The following KATNAL2 variants were observed in gnomAD, a reference collection of about 807,000 sequenced individuals.
The protein encoded by KATNAL2 is katanin catalytic subunit A1 like 2.
In KATNAL2, 52 loss-of-function variants were observed where a neutral mutation model predicts 76.3. The observed-to-expected ratio is 0.68, with a 90% CI of 0.55 to 0.86. The LOEUF is 0.86. Ranked by LOEUF, KATNAL2 falls within the 40% of genes least tolerant of loss-of-function variation. KATNAL2 has a pLI of 0.00. For synonymous variants in KATNAL2, 243 were observed against 244.2 expected, an observed-to-expected ratio of 1.00 and a Z score of 0.05; for missense variants, 660 against 668.9, an observed-to-expected ratio of 0.99 and a Z score of 0.15.
intron 4 of KATNAL2, among the ~76,000 whole-genome samples, chr18:47,047,967 A>C (rs2061214275): frequency 6.6e-6 from 1 of 152,148 alleles, no homozygotes; most frequent in Non-Finnish European, 1.5e-5. Flanking sequence ...TCAACCTCCC[A>C]GTCACTGAGA....
intron 13 of KATNAL2, among the ~76,000 whole-genome samples, chr18:47,073,088 TG>T (rs1480153000): frequency 6.6e-6 from 1 of 152,178 alleles, no homozygotes; most frequent in East Asian, 1.9e-4. Context: ...CCAGATTACT[TG>T]CCAACAGGGT....
At chr18:47,033,284 A>G in intron 3 of KATNAL2, 1 of 1,613,338 alleles carries the variant, frequency 6.2e-7, no homozygotes, top group South Asian at 1.1e-5. Flanking sequence ...TCTCCTGCAG[A>G]CTTCTCTTGC....
chr18:46,955,168 T>TTC (rs2059700947), intron 3 of KATNAL2, among the ~76,000 whole-genome samples: 1 of 147,632 alleles, frequency 6.8e-6, no homozygotes, highest in South Asian at 2.2e-4. Context: ...CTTTCTTTCT[T>TTC]TCTTTCTTTC....
chr18:46,953,054 C>G (rs963925681), intron 3 of KATNAL2, among the ~76,000 whole-genome samples: 1 of 151,932 alleles, frequency 6.6e-6, no homozygotes, highest in Non-Finnish European at 1.5e-5. Flanking sequence ...GCCACCATGC[C>G]TGGCTAATTT....
intron 10 of KATNAL2, among the ~76,000 whole-genome samples, chr18:47,064,601 A>G (rs1193041371): frequency 6.6e-6 from 1 of 152,196 alleles, no homozygotes; most frequent in Non-Finnish European, 1.5e-5. Context: ...GAGACCATCT[A>G]TAAGGTTTTT....
chr18:46,919,416 G>A (rs1181956024), intron 1 of KATNAL2, among the ~76,000 whole-genome samples: 1 of 152,012 alleles, frequency 6.6e-6, no homozygotes, highest in African/African-American at 2.4e-5. Flanking sequence ...AACCCTGGAG[G>A]CGGAGGTTCC....
At chr18:47,055,208 G>A (rs767894341) in intron 6 of KATNAL2, among the ~76,000 whole-genome samples, 6 of 152,182 alleles carry the variant, frequency 3.9e-5, no homozygotes, top group East Asian at 1.9e-4. Flanking sequence ...TGCTGCTGCC[G>A]GCTGCCAGTG....
intron 3 of KATNAL2, among the ~76,000 whole-genome samples, chr18:47,038,472 G>T (rs2060854182): frequency 6.6e-6 from 1 of 152,196 alleles, no homozygotes; most frequent in African/African-American, 2.4e-5. Flanking sequence ...GTATGTGCAT[G>T]TATGTGCACA....
chr18:47,042,722 T>A (rs1360375870), intron 3 of KATNAL2, among the ~76,000 whole-genome samples: 1 of 152,106 alleles, frequency 6.6e-6, no homozygotes, highest in Admixed American at 6.5e-5. Context: ...AAAAAAGTCT[T>A]TAAAAATCAG....
Position 47,100,995 on chromosome 18 carries a change from A to C in KATNAL2, c.1607A>C (p.Glu536Ala). ...QRYSDWQREF[E>A]SV The stretch of plus-strand genomic sequence containing the variant: ...TACTCAGACTGGCAAAGAGAGTTCG[A>C]GTCTGTCTGAAACCACATTTACCCT... The change falls in exon 18 of 18, where the codon GAG (glutamate) becomes GCG (alanine). Residue 536 changes from glutamate to alanine, a missense_variant. Transcript: ENST00000683218. 1 of 1,614,092 alleles carries C rather than the reference A, an allele frequency of 6.2e-7. No individual in the cohort carries two copies. The highest frequency in any genetic ancestry group is 1.7e-5 in the Admixed American group (1 of 60,026).
At position 47,067,061 on chromosome 18, in the gene KATNAL2, T is replaced by C; in HGVS notation, c.767T>C (p.Ile256Thr). 1 of 1,591,262 alleles carries C rather than the reference T, an allele frequency of 6.3e-7. No individual in the cohort carries two copies. The highest frequency in any genetic ancestry group is 8.6e-7 in the Non-Finnish European group (1 of 1,164,770). ...LHNPNIKWND[I>T]IGLDAAKQLV... ...AATCCAAACATAAAGTGGAATGACA[T>C]TATTGGACTTGATGCAGCCAAGCAG... The change falls in exon 11 of 18, where the codon ATT (isoleucine) becomes ACT (threonine). Residue 256 changes from isoleucine to threonine, a missense_variant. Ile to Thr is a moderately conservative substitution (Grantham distance 89, BLOSUM62 -1). Transcript: ENST00000683218.
chr18:47,083,641 CTT>C (rs1297811922), intron 15 of KATNAL2, among the ~76,000 whole-genome samples: 15 of 152,142 alleles, frequency 9.9e-5, no homozygotes, highest in Admixed American at 7.9e-4. Context: ...AAGAACAGCT[CTT>C]GTGTGTCAAT....
intron 15 of KATNAL2, among the ~76,000 whole-genome samples, chr18:47,081,001 T>C (rs1240866057): frequency 2.0e-5 from 3 of 149,506 alleles, no homozygotes; most frequent in Non-Finnish European, 4.5e-5. Context: ...CCTCCCTCCT[T>C]CCTTCCCTCC....
At chr18:47,044,510 G>A (rs1444986899) in intron 3 of KATNAL2, among the ~76,000 whole-genome samples, 3 of 152,116 alleles carry the variant, frequency 2.0e-5, no homozygotes, top group African/African-American at 4.8e-5. Flanking sequence ...TGTAATCCCA[G>A]CACTTTGGGA....
At chr18:47,046,392 G>A (rs1428385033) in intron 3 of KATNAL2, 65 bp from the exon 4 acceptor site, 56 of 1,089,868 alleles carry the variant, frequency 5.1e-5, no homozygotes, top group Non-Finnish European at 7.0e-5. Flanking sequence ...ACCTTCCAGG[G>A]TTTATTGCCG....
chr18:46,947,866 ATGT>A (rs2059426696), intron 3 of KATNAL2, among the ~76,000 whole-genome samples: 2 of 152,102 alleles, frequency 1.3e-5, no homozygotes, highest in South Asian at 2.1e-4. Context: ...TTGGCTACAC[ATGT>A]TGTTGCTAAT....
intron 13 of KATNAL2, among the ~76,000 whole-genome samples, chr18:47,072,875 A>G (rs1042563217): frequency 2.0e-5 from 3 of 152,168 alleles, no homozygotes; most frequent in South Asian, 4.1e-4. Flanking sequence ...TCATATGTCT[A>G]TATGGTAGTT....
chr18:47,090,586 T>TACCA (rs2062956857), intron 15 of KATNAL2, among the ~76,000 whole-genome samples: 2 of 152,056 alleles, frequency 1.3e-5, no homozygotes, highest in African/African-American at 4.8e-5. Context: ...GTGTGATTGG[T>TACCA]ACAGACAATA....
Position 47,069,245 on chromosome 18 carries a change from T to C in KATNAL2, c.851T>C (p.Leu284Pro), listed in dbSNP as rs373950697. 5.2e-5 allele frequency: 84 copies of C among 1,611,090 alleles called. No individual in the cohort carries two copies. The highest frequency in any genetic ancestry group is 6.6e-5 in the Non-Finnish European group (78 of 1,178,868). Residue 284 changes from leucine (L) to proline (P), a missense_variant, in exon 12 of 18, where the codon CTT becomes CCT. By Grantham distance (98) the Leu-to-Pro change is moderately conservative (BLOSUM62 -3). Coordinates refer to ENST00000683218, the MANE Select transcript of KATNAL2 (RefSeq NM_001387690.1). The part of the protein sequence containing the change: ...IRYPQLFTGI[L>P]SPWKGLLLYG... The stretch of plus-strand genomic sequence containing the variant: ...TATCCACAGCTATTTACAGGAATTC[T>C]TTCTCCCTGGAAAGGACTACTGCTG...
Sources: allele counts gnomAD v4.1 joint callset (sites outside exome capture counted in the v4.1 genomes callset), GRCh38; gene constraint gnomAD v4.1.1; transcripts MANE v1.5; gene names NCBI Gene and HGNC (gene_info 2026-07-23, HGNC 2026-07-21).